The following SNX29 variants were observed in gnomAD, a reference collection of about 807,000 sequenced individuals.
SNX29 encodes the protein sorting nexin 29, also known as sorting nexin-29.
Under a neutral mutation model 102.1 loss-of-function variants are expected in SNX29, and 78 were observed. The ratio of observed to expected loss-of-function variants is 0.76; its 90% CI spans 0.64 to 0.92. SNX29 has a LOEUF of 0.92. Ranked by LOEUF, SNX29 falls within the 40% of genes least tolerant of loss-of-function variation. The pLI is 0.00. For missense variants in SNX29, 1,280 were observed against 1,061.7 expected, an observed-to-expected ratio of 1.21 and a Z score of -2.86; for synonymous variants, 580 against 414.5, an observed-to-expected ratio of 1.40 and a Z score of -4.85.
intron 19 of SNX29, among the ~76,000 whole-genome samples, chr16:12,493,139 T>C (rs1303891419): frequency 6.6e-6 from 1 of 152,230 alleles, no homozygotes; most frequent in Admixed American, 6.5e-5. Context: ...GCCGTTTTCA[T>C]GATACTGATT....
rs367736941 is a variant in SNX29 at position 12,249,491 on chromosome 16, C to T, written c.1679-28442C>T. 8.0e-4 allele frequency among the ~76,000 whole-genome samples: 122 copies of T among 152,328 alleles called. 4 individuals are homozygous for T. In the South Asian group the frequency reaches 0.025, roughly 31 times the overall value. On this transcript the variant is annotated intron_variant, in intron 14 of 20. Coordinates refer to ENST00000566228, the MANE Select transcript of SNX29 (RefSeq NM_032167.5). ...CCAGAGTCAGTCCAGGACGGGACTGCACAAGCGTGTGGATCCCAGGAGGTG... is the reference window on the plus strand; with the variant it reads ...CCAGAGTCAGTCCAGGACGGGACTGTACAAGCGTGTGGATCCCAGGAGGTG...
At chr16:12,201,490 G>C (rs569892970) in intron 14 of SNX29, among the ~76,000 whole-genome samples, 4 of 152,324 alleles carry the variant, frequency 2.6e-5, no homozygotes, top group African/African-American at 9.6e-5. Context: ...AGGCTTAGGA[G>C]AGCTTAAGGG....
At chr16:12,286,458 G>A (rs1226783864) in intron 15 of SNX29, among the ~76,000 whole-genome samples, 1 of 149,292 alleles carries the variant, frequency 6.7e-6, no homozygotes, top group East Asian at 2.0e-4. Flanking sequence ...CCATTCTTCT[G>A]CCTCAGCCTC....
intron 14 of SNX29, among the ~76,000 whole-genome samples, chr16:12,268,812 T>C (rs926706103): frequency 6.6e-6 from 1 of 152,202 alleles, no homozygotes; most frequent in Non-Finnish European, 1.5e-5. Context: ...TCATACTGTT[T>C]GCCATGCCGC....
intron 18 of SNX29, among the ~76,000 whole-genome samples, chr16:12,447,175 A>G (rs1431455795): frequency 3.0e-5 from 4 of 135,202 alleles, no homozygotes; most frequent in African/African-American, 1.3e-4. Flanking sequence ...CAAAAAAAAA[A>G]AAAAAAAAAA....
chr16:11,995,923 G>A (rs2056054984), intron 1 of SNX29, among the ~76,000 whole-genome samples: 1 of 152,128 alleles, frequency 6.6e-6, no homozygotes, highest in Admixed American at 6.6e-5. Context: ...AGCCGGGCGT[G>A]GTGGTGCGTG....
intron 14 of SNX29, among the ~76,000 whole-genome samples, chr16:12,201,739 A>T (rs1202812873): frequency 6.6e-6 from 1 of 152,248 alleles, no homozygotes; most frequent in East Asian, 1.9e-4. Context: ...GGACAGCACC[A>T]CCACCTTTTG....
At chr16:12,413,584 C>G (rs796142285) in intron 18 of SNX29, among the ~76,000 whole-genome samples, 1 of 46,832 alleles carries the variant, frequency 2.1e-5, no homozygotes, top group East Asian at 5.9e-4. Context: ...ACAGGGCCCT[C>G]GAGACAATGG....
intron 19 of SNX29, chr16:12,515,558 C>G (rs2089826823): frequency 2.0e-6 from 1 of 492,342 alleles, no homozygotes. Flanking sequence ...TTGCTGGCCT[C>G]TCTGCTTCCT....
chr16:12,424,368 A>G (rs541888179), intron 18 of SNX29, among the ~76,000 whole-genome samples: 1 of 152,256 alleles, frequency 6.6e-6, no homozygotes, highest in East Asian at 1.9e-4. Flanking sequence ...TCCACTGCAT[A>G]CTTTATATGG....
At chr16:12,166,308 A>G (rs1263331544) in intron 13 of SNX29, among the ~76,000 whole-genome samples, 2 of 152,208 alleles carry the variant, frequency 1.3e-5, no homozygotes, top group Non-Finnish European at 2.9e-5. Context: ...TGAGGGGGCC[A>G]TGATGGGCAT....
intron 15 of SNX29, among the ~76,000 whole-genome samples, chr16:12,315,897 CAG>C (rs1329316499): frequency 5.9e-5 from 9 of 152,204 alleles, no homozygotes; most frequent in African/African-American, 2.2e-4. Context: ...TCTTCTGGGT[CAG>C]GGGCTGGAGA....
chr16:12,468,286 T>G (rs2087165147), intron 18 of SNX29, among the ~76,000 whole-genome samples: 1 of 149,858 alleles, frequency 6.7e-6, no homozygotes. Flanking sequence ...GCAGTTCTCA[T>G]GTCTCAGCCT....
chr16:12,327,124 C>G (rs1273147458), intron 15 of SNX29, among the ~76,000 whole-genome samples: 2 of 152,126 alleles, frequency 1.3e-5, no homozygotes, highest in African/African-American at 4.8e-5. Flanking sequence ...CTCTGTCTTC[C>G]CCCTGTAAGT....
intron 16 of SNX29, 85 bp downstream of exon 16, chr16:12,356,364 C>A: frequency 7.8e-7 from 1 of 1,279,206 alleles, no homozygotes; most frequent in Non-Finnish European, 1.1e-6. Flanking sequence ...ACAGAGCAAG[C>A]AACCATGCAT....
At chr16:12,074,895 C>T (rs1322362854) in intron 10 of SNX29, among the ~76,000 whole-genome samples, 2 of 152,154 alleles carry the variant, frequency 1.3e-5, no homozygotes, top group South Asian at 2.1e-4. Context: ...AAATTCCCTT[C>T]TCACTTCATT....
rs34250906 is a variant in SNX29, at chr16:12,194,622, GTT to G, written c.1596-4960_1596-4959del. On this transcript the variant is annotated intron_variant, in intron 13 of 20. Coordinates refer to ENST00000566228, the MANE Select transcript of SNX29 (RefSeq NM_032167.5). ...TTACTATAGGATTTGGGGGTGGGTA[GTT>G]TTTTTTTTTTTTTTTTTTAAGAAGG... Among the ~76,000 whole-genome samples the G allele has an allele frequency of 1.3e-3, 168 of 129,136 alleles. 1 individual carries two copies. Among genetic ancestry groups the G allele is most frequent in the Middle Eastern group, 3.9e-3 (1 of 258 alleles). 84.7% of individuals were successfully genotyped at this position (129,136 alleles called of 152,430 possible).
At chr16:12,540,062 G>C (rs1393477324) in intron 20 of SNX29, among the ~76,000 whole-genome samples, 2 of 152,156 alleles carry the variant, frequency 1.3e-5, no homozygotes, top group African/African-American at 4.8e-5. Flanking sequence ...CCCAGATCAT[G>C]CTTTTGGTGT....
In SNX29 at chr16:12,445,288, C is replaced by A. The variant is rs543255037; in HGVS notation, c.2038-32431C>A. ...GACAGAGCCCGTATTATCCACAAAG[C>A]CTAAAACATTTATCATCTGGCTGGC... On this transcript the variant is annotated intron_variant, in intron 18 of 20. Transcript: ENST00000566228. Among the ~76,000 whole-genome samples the A allele has an allele frequency of 2.6e-5, 4 of 152,298 alleles. No homozygotes were observed. The South Asian group carries it at 6.2e-4, about 24-fold the overall frequency.
Sources: allele counts gnomAD v4.1 joint callset (sites outside exome capture counted in the v4.1 genomes callset), GRCh38; gene constraint gnomAD v4.1.1; transcripts MANE v1.5; gene names NCBI Gene and HGNC (gene_info 2026-07-23, HGNC 2026-07-21).